The following TSHZ3 variants were observed in gnomAD, a reference collection of about 807,000 sequenced individuals.
TSHZ3 encodes the protein teashirt zinc finger homeobox 3.
A neutral mutation model predicts 64.5 loss-of-function variants in TSHZ3; 10 were observed. The ratio of observed to expected loss-of-function variants is 0.16; its 90% CI spans 0.10 to 0.26. The LOEUF (loss-of-function observed/expected upper bound fraction) is 0.26. TSHZ3 is among the 10% of genes least tolerant of loss of function. The pLI, the probability that TSHZ3 is intolerant of heterozygous loss-of-function variation, is 1.00. For synonymous variants in TSHZ3, 608 were observed against 593.1 expected, an observed-to-expected ratio of 1.03 and a Z score of -0.36; for missense variants, 1,242 against 1,421.7, an observed-to-expected ratio of 0.87 and a Z score of 2.03.
chr19:31,163,148 C>T (rs1817816664), intron 5 of TSHZ3, among the ~76,000 whole-genome samples: 1 of 152,092 alleles, frequency 6.6e-6, no homozygotes. Flanking sequence ...AAAGGATAAG[C>T]TTTGTTGGAA....
chr19:31,306,938 T>G (rs1055876372), intron 1 of TSHZ3, among the ~76,000 whole-genome samples: 1 of 152,174 alleles, frequency 6.6e-6, no homozygotes, highest in African/African-American at 2.4e-5. Flanking sequence ...CCCTGGGACA[T>G]GAAGATTTAG....
chr19:31,215,930 T>A (rs1474280738), intron 4 of TSHZ3, among the ~76,000 whole-genome samples: 2 of 151,592 alleles, frequency 1.3e-5, no homozygotes, highest in East Asian at 3.9e-4. Context: ...GTTTTCCAAT[T>A]GGCTTAAAAA....
intron 5 of TSHZ3, among the ~76,000 whole-genome samples, chr19:31,174,254 C>G (rs537975443): frequency 2.0e-5 from 3 of 152,248 alleles, no homozygotes; most frequent in African/African-American, 7.2e-5. Context: ...CCAGAAGGCT[C>G]GAGACCCAAG....
At chr19:31,327,199 C>A (rs1034140214) in intron 1 of TSHZ3, among the ~76,000 whole-genome samples, 9 of 152,210 alleles carry the variant, frequency 5.9e-5, no homozygotes, top group Non-Finnish European at 1.0e-4. Flanking sequence ...CACGGCATTA[C>A]TGGATGTGTT....
At chr19:31,255,566 C>A (rs1173913318) in intron 1 of TSHZ3, among the ~76,000 whole-genome samples, 1 of 152,108 alleles carries the variant, frequency 6.6e-6, no homozygotes, top group African/African-American at 2.4e-5. Context: ...AGCTCCCTTC[C>A]CATTCAAAGC....
rs71335790 is a variant in TSHZ3, at chr19:31,179,544, C to T, written n.810-23127G>A. 9.3e-3 allele frequency among the ~76,000 whole-genome samples: 1,408 copies of T among 152,170 alleles called. 10 individuals carry two copies. Among genetic ancestry groups the T allele is most frequent in the Non-Finnish European group, 0.014 (947 of 68,006 alleles). On this transcript the variant is annotated intron_variant and non_coding_transcript_variant, in intron 5 of 6. Coordinates refer to the TSHZ3 transcript ENST00000651361. ...GAGGGGGGCAAACAGAGAATCTATCCCCGTGATGAAGACAATGATGATGGT... is the reference window on the plus strand; with the variant it reads ...GAGGGGGGCAAACAGAGAATCTATCTCCGTGATGAAGACAATGATGATGGT...
chr19:31,155,824 G>A (rs116363915), intron 6 of TSHZ3, among the ~76,000 whole-genome samples: 4,649 of 152,144 alleles, frequency 0.031, 219 homozygotes, highest in African/African-American at 0.11. Flanking sequence ...TGTTTTCCAG[G>A]ACACCGATCT....
At chr19:31,234,616 T>A (rs538830418) in intron 3 of TSHZ3, among the ~76,000 whole-genome samples, 1 of 152,350 alleles carries the variant, frequency 6.6e-6, no homozygotes, top group Admixed American at 6.5e-5. Flanking sequence ...CAAACTCTTT[T>A]GCTGCATCTA....
At chr19:31,233,407 C>T (rs1975565724) in intron 3 of TSHZ3, among the ~76,000 whole-genome samples, 2 of 152,052 alleles carry the variant, frequency 1.3e-5, no homozygotes, top group African/African-American at 2.4e-5. Context: ...TGTGAAATGC[C>T]TATTCAGAAC....
chr19:31,308,734 A>C, intron 1 of TSHZ3: 1 of 398,700 alleles, frequency 2.5e-6, no homozygotes, highest in South Asian at 1.3e-4. Flanking sequence ...AAACAGGGAC[A>C]CACCGTCTAA....
chr19:31,339,092 G>T (rs1356367295), intron 1 of TSHZ3, among the ~76,000 whole-genome samples: 2 of 151,798 alleles, frequency 1.3e-5, no homozygotes, highest in Admixed American at 6.6e-5. Flanking sequence ...CTTCAATAAC[G>T]CACGTTTGAA....
At chr19:31,297,106 T>C (rs1038935225) in intron 1 of TSHZ3, among the ~76,000 whole-genome samples, 5 of 152,210 alleles carry the variant, frequency 3.3e-5, no homozygotes, top group Non-Finnish European at 7.3e-5. Flanking sequence ...GGCAGGGTCT[T>C]GTCCCCCATT....
At chr19:31,162,588 G>T (rs538240013) in intron 5 of TSHZ3, among the ~76,000 whole-genome samples, 52 of 152,038 alleles carry the variant, frequency 3.4e-4, no homozygotes, top group Non-Finnish European at 5.4e-4. Flanking sequence ...GTCATTTTTT[G>T]ATCATGAAAT....
chr19:31,296,428 G>C (rs551478420), intron 1 of TSHZ3, among the ~76,000 whole-genome samples: 1 of 148,386 alleles, frequency 6.7e-6, no homozygotes, highest in South Asian at 2.2e-4. Context: ...TCTGCCTCCC[G>C]GGTTCAAGCG....
chr19:31,249,272 G>A (rs934649542), intron 1 of TSHZ3, among the ~76,000 whole-genome samples: 1 of 152,316 alleles, frequency 6.6e-6, no homozygotes, highest in African/African-American at 2.4e-5. Flanking sequence ...AAAGCTAGGT[G>A]TCCGCTTATT....
intron 5 of TSHZ3, among the ~76,000 whole-genome samples, chr19:31,183,195 T>A (rs1002385738): frequency 4.7e-5 from 3 of 64,006 alleles, no homozygotes; most frequent in Non-Finnish European, 8.3e-5. Context: ...TCTCTCTCTC[T>A]CTCTCTCTCT....
In TSHZ3 at chr19:31,278,101, C is replaced by T. The variant is rs200511665; in HGVS notation, c.1692G>A (p.Leu564=). Reference sequence around the variant, plus strand: ...GGGGCGTGCTCTTCCCCGACGAGCCCAGGGACAACTTCATCATGTTGGGAA... The same window carrying T: ...GGGGCGTGCTCTTCCCCGACGAGCCTAGGGACAACTTCATCATGTTGGGAA... ...YQLPNMMKLS[L]GSSGKSTPLK... Residue 564 remains leucine, a synonymous_variant, in exon 2 of 2, where the codon CTG becomes CTA. Transcript: ENST00000240587. The surrounding 1 kb of genome is among the most constrained non-coding windows in gnomAD (Gnocchi z 4.7). 536 of 1,613,792 alleles carry T rather than the reference C, an allele frequency of 3.3e-4. No individual in the cohort carries two copies. Among genetic ancestry groups the T allele is most frequent in the Non-Finnish European group, 2.9e-4 (337 of 1,179,858 alleles).
intron 1 of TSHZ3, among the ~76,000 whole-genome samples, chr19:31,346,423 C>A (rs1435661568): frequency 2.6e-5 from 4 of 152,222 alleles, no homozygotes; most frequent in Non-Finnish European, 4.4e-5. Flanking sequence ...CTGGATGACA[C>A]TGCGTCGAGC....
intron 1 of TSHZ3, among the ~76,000 whole-genome samples, chr19:31,257,480 G>A (rs1490552119): frequency 6.6e-6 from 1 of 152,222 alleles, no homozygotes; most frequent in Non-Finnish European, 1.5e-5. Flanking sequence ...CCAATCGAAG[G>A]ACACACCATC....
Sources: allele counts gnomAD v4.1 joint callset (sites outside exome capture counted in the v4.1 genomes callset), GRCh38; gene constraint gnomAD v4.1.1; non-coding constraint Gnocchi (gnomAD v3.1); transcripts MANE v1.5; gene names NCBI Gene and HGNC (gene_info 2026-07-23, HGNC 2026-07-21).